The following GPC6 variants were observed in gnomAD, a reference collection of about 807,000 sequenced individuals.
GPC6 encodes the protein glypican 6, also known as glypican-6.
In GPC6, 14 loss-of-function variants were observed where a neutral mutation model predicts 55.2. The observed-to-expected ratio is 0.25, with a 90% CI of 0.17 to 0.40. The LOEUF is 0.40. Ranked by LOEUF, GPC6 falls within the 10% of genes least tolerant of loss-of-function variation. GPC6 has a pLI of 1.00. For missense variants in GPC6, 641 were observed against 708.5 expected (o/e 0.90, Z 1.08); for synonymous variants, 278 against 259.6 (o/e 1.07, Z -0.68).
chr13:93,658,394 G>A (rs1465465208), intron 2 of GPC6, among the ~76,000 whole-genome samples: 2 of 151,606 alleles, frequency 1.3e-5, no homozygotes, highest in African/African-American at 4.8e-5. Flanking sequence ...TAATATAGTA[G>A]GTTTATCAAC....
At chr13:94,040,516 G>A (rs1883494224) in intron 4 of GPC6, among the ~76,000 whole-genome samples, 1 of 151,748 alleles carries the variant, frequency 6.6e-6, no homozygotes, top group Non-Finnish European at 1.5e-5. Context: ...GACTTGTGTC[G>A]AATGCCTTCT....
chr13:94,071,015 G>T (rs1884712989), intron 4 of GPC6, among the ~76,000 whole-genome samples: 1 of 152,142 alleles, frequency 6.6e-6, no homozygotes, highest in East Asian at 1.9e-4. Flanking sequence ...TCACCTCTGG[G>T]CTCATTATGA....
chr13:94,395,004 C>T (rs1278473695), intron 7 of GPC6, among the ~76,000 whole-genome samples: 6 of 152,168 alleles, frequency 3.9e-5, no homozygotes, highest in African/African-American at 1.2e-4. Context: ...TCGCCTCTGA[C>T]TCAGCATAGG....
intron 1 of GPC6, among the ~76,000 whole-genome samples, chr13:93,271,180 A>G (rs1031103363): frequency 3.3e-5 from 5 of 152,198 alleles, no homozygotes; most frequent in Admixed American, 2.6e-4. Context: ...TCTAACAGAA[A>G]TGTCTCTACA....
chr13:93,304,204 C>T (rs576077374), intron 1 of GPC6, among the ~76,000 whole-genome samples: 4 of 152,216 alleles, frequency 2.6e-5, no homozygotes, highest in South Asian at 2.1e-4. Flanking sequence ...CATTCTAAAA[C>T]GTGTAGTGCA....
chr13:93,719,159 A>G (rs982462726), intron 2 of GPC6, among the ~76,000 whole-genome samples: 2 of 152,042 alleles, frequency 1.3e-5, no homozygotes, highest in African/African-American at 4.8e-5. Flanking sequence ...CATTGAATCT[A>G]TAAATTACTT....
chr13:94,103,250 T>G (rs555795970), intron 4 of GPC6, among the ~76,000 whole-genome samples: 1 of 152,296 alleles, frequency 6.6e-6, no homozygotes, highest in South Asian at 2.1e-4. Context: ...TATTCCATGG[T>G]GTATATGTGC....
chr13:94,018,960 C>T (rs1353152963), intron 3 of GPC6, among the ~76,000 whole-genome samples: 1 of 152,138 alleles, frequency 6.6e-6, no homozygotes, highest in African/African-American at 2.4e-5. Flanking sequence ...CACCTGTCCA[C>T]GGAAAAATTG....
intron 1 of GPC6, among the ~76,000 whole-genome samples, chr13:93,374,736 A>G (rs941562842): frequency 6.6e-6 from 1 of 152,206 alleles, no homozygotes; most frequent in East Asian, 1.9e-4. Flanking sequence ...AATTACTACT[A>G]TGGTAGCTAT....
chr13:93,313,094 A>T (rs1879128666), intron 1 of GPC6, among the ~76,000 whole-genome samples: 1 of 152,184 alleles, frequency 6.6e-6, no homozygotes, highest in Non-Finnish European at 1.5e-5. Flanking sequence ...GCTGCTTTTT[A>T]GACCTAAGTA....
At chr13:93,218,902 A>G in the GPC6 span, among the ~76,000 whole-genome samples, 3 of 152,170 alleles carry the variant, frequency 2.0e-5, no homozygotes, top group African/African-American at 7.2e-5. Context: ...ATTTTCTTTT[A>G]AATGGCCTAA....
At chr13:93,721,269 T>C (rs887541373) in intron 2 of GPC6, among the ~76,000 whole-genome samples, 1 of 151,900 alleles carries the variant, frequency 6.6e-6, no homozygotes, top group Non-Finnish European at 1.5e-5. Flanking sequence ...GATAGTTAGC[T>C]CTTCTTGTTG....
intron 2 of GPC6, among the ~76,000 whole-genome samples, chr13:93,574,617 A>T (rs1876569115): frequency 6.6e-6 from 1 of 152,138 alleles, no homozygotes. Context: ...GAAGTGTATG[A>T]TTTAATTATT....
At chr13:93,644,882 G>T in intron 2 of GPC6, among the ~76,000 whole-genome samples, 1 of 151,964 alleles carries the variant, frequency 6.6e-6, no homozygotes, top group Middle Eastern at 3.4e-3. Flanking sequence ...GCAAAACTTC[G>T]CCAAATGCAG....
rs556599824 is a variant in GPC6, at chr13:94,149,078, T to A, written c.877+121184T>A. Among the ~76,000 whole-genome samples, 41 of 152,282 alleles carry A rather than the reference T, an allele frequency of 2.7e-4. No homozygotes were observed. The South Asian group carries it at 5.8e-3, about 22-fold the overall frequency. On this transcript the variant is annotated intron_variant, in intron 4 of 8. Transcript: ENST00000377047. ...AGATCCTGGAATTTGCAAAACACAT[T>A]CCCTTTTTCATGGTCTCTTTTCTAC...
chr13:94,394,787 T>C (rs4773790), intron 7 of GPC6, among the ~76,000 whole-genome samples: 132,715 of 152,214 alleles, frequency 0.87, 58,052 homozygotes, highest in African/African-American at 0.94. Context: ...CTCTTGAGGA[T>C]ACGGATGCGC....
chr13:93,462,110 A>T (rs970385335), intron 1 of GPC6, among the ~76,000 whole-genome samples: 7 of 152,200 alleles, frequency 4.6e-5, no homozygotes, highest in African/African-American at 1.7e-4. Flanking sequence ...AAAGCTGTGA[A>T]AGCCTTCATT....
intron 2 of GPC6, among the ~76,000 whole-genome samples, chr13:93,670,150 G>T (rs1279269917): frequency 6.6e-6 from 1 of 152,116 alleles, no homozygotes; most frequent in Non-Finnish European, 1.5e-5. Flanking sequence ...GGCCTTACTA[G>T]CTCCTAGTCA....
In GPC6 at chr13:94,000,112, C is replaced by G. The variant is rs117704493; in HGVS notation, c.712-27617C>G. ...GTGCTTTTCCTTGTTTGTTTCTCTT[C>G]TTCTGGAATACCCTGTCAGACATCC... is the stretch of plus-strand genomic sequence containing the variant. On this transcript the variant is annotated intron_variant, in intron 3 of 8. Transcript: ENST00000377047. 3.0e-3 allele frequency among the ~76,000 whole-genome samples: 462 copies of G among 152,236 alleles called. 1 individual carries two copies. Among genetic ancestry groups the G allele is most frequent in the Non-Finnish European group, 5.1e-3 (345 of 68,012 alleles).
Sources: gnomAD v4.1 joint callset for allele counts (sites outside exome capture counted in the v4.1 genomes callset) on GRCh38, gnomAD v4.1.1 for gene constraint, MANE v1.5 for transcripts, NCBI Gene and HGNC (gene_info 2026-07-23, HGNC 2026-07-21) for gene names.